Variants in MALRD1 observed in about 807,000 individuals in gnomAD.
The protein encoded by MALRD1 is MAM and LDL receptor class A domain containing 1, also known as MAM and LDL-receptor class A domain-containing protein 1.
A neutral mutation model predicts 242.1 loss-of-function variants in MALRD1; 247 were observed. The observed-to-expected ratio is 1.02, with a 90% CI of 0.92 to 1.13. The LOEUF is 1.13. MALRD1 is among the 50% of genes most tolerant of loss of function. The probability of loss-of-function intolerance (pLI) is 0.00; values close to 1 mark genes in which losing one functional copy is unlikely to be tolerated. For synonymous variants in MALRD1, 995 were observed against 866.6 expected, an observed-to-expected ratio of 1.15 and a Z score of -2.60; for missense variants, 2,989 against 2,533.1, an observed-to-expected ratio of 1.18 and a Z score of -3.86.
chr10:19,476,061 C>T (rs1255771375), intron 29 of MALRD1, among the ~76,000 whole-genome samples: 1 of 152,110 alleles, frequency 6.6e-6, no homozygotes, highest in African/African-American at 2.4e-5. Flanking sequence ...CTTTTTAGTG[C>T]ACATACCTTA....
intron 31 of MALRD1, among the ~76,000 whole-genome samples, chr10:19,529,329 GGTTAGTTAT>G (rs1834234558): frequency 6.6e-6 from 1 of 152,072 alleles, no homozygotes; most frequent in Non-Finnish European, 1.5e-5. Flanking sequence ...CCATGAAATG[GGTTAGTTAT>G]GTTGTTACAT....
chr10:19,536,752 C>T (rs1199101789), intron 32 of MALRD1, among the ~76,000 whole-genome samples: 1 of 152,080 alleles, frequency 6.6e-6, no homozygotes, highest in Non-Finnish European at 1.5e-5. Context: ...AATTACATTA[C>T]ATTAACTTAT....
At chr10:19,207,176 C>T (rs1019899994) in intron 17 of MALRD1, among the ~76,000 whole-genome samples, 4 of 152,094 alleles carry the variant, frequency 2.6e-5, no homozygotes, top group Admixed American at 6.5e-5. Context: ...GGACAGTTGA[C>T]ATTTATTTAA....
intron 14 of MALRD1, among the ~76,000 whole-genome samples, chr10:19,197,020 G>T (rs1836293377): frequency 6.6e-6 from 1 of 152,112 alleles, no homozygotes; most frequent in Non-Finnish European, 1.5e-5. Flanking sequence ...TCACGGCTCT[G>T]CATGGCTTGG....
chr10:19,725,443 C>T (rs1022497217), intron 38 of MALRD1, among the ~76,000 whole-genome samples: 15 of 152,160 alleles, frequency 9.9e-5, no homozygotes, highest in African/African-American at 3.4e-4. Context: ...CTCCCCAGGC[C>T]TGTGGAACTG....
rs562006009 is a variant in MALRD1 at position 19,524,953 on chromosome 10, A to G, written c.5321-6241A>G. Among the ~76,000 whole-genome samples, 12 of 151,976 alleles carry G rather than the reference A, an allele frequency of 7.9e-5. 1 individual carries two copies. In the South Asian group the frequency reaches 2.5e-3, roughly 32 times the overall value. ...AGTTTTGCTCTTGTTATCCAGGCTG[A>G]AGTGCAATGGCATAATCTCGGCTTA... On this transcript the variant is annotated intron_variant, in intron 31 of 39. Coordinates refer to ENST00000454679, the MANE Select transcript of MALRD1 (RefSeq NM_001142308.3).
In MALRD1 at chr10:19,513,567, G is replaced by A. The variant is rs191999161; in HGVS notation, c.5320+14921G>A. Among the ~76,000 whole-genome samples, 417 of 151,758 alleles carry A rather than the reference G, an allele frequency of 2.7e-3. 5 individuals carry two copies. Among genetic ancestry groups the A allele is most frequent in the African/African-American group, 9.3e-3 (386 of 41,386 alleles). The stretch of plus-strand genomic sequence containing the variant: ...ATCCTGGCTAACACAGGGAAACCCC[G>A]TCTCTACTAAAAATACAAAAAATTA... On this transcript the variant is annotated intron_variant, in intron 31 of 39. Transcript: ENST00000454679.
At chr10:19,703,518 C>T (rs1312845115) in intron 38 of MALRD1, among the ~76,000 whole-genome samples, 1 of 152,204 alleles carries the variant, frequency 6.6e-6, no homozygotes, top group African/African-American at 2.4e-5. Flanking sequence ...TTCAAGGAAG[C>T]AGGAAATACA....
chr10:19,510,364 A>T (rs1251353868), intron 31 of MALRD1, among the ~76,000 whole-genome samples: 3 of 152,040 alleles, frequency 2.0e-5, no homozygotes, highest in Non-Finnish European at 4.4e-5. Context: ...GGGCTGGGGG[A>T]TGGTCAGGTC....
At chr10:19,393,741 C>G (rs539376554) in intron 28 of MALRD1, among the ~76,000 whole-genome samples, 3 of 151,968 alleles carry the variant, frequency 2.0e-5, no homozygotes. Context: ...AGGCGTGAGC[C>G]ACCGCGCCCG....
intron 34 of MALRD1, among the ~76,000 whole-genome samples, chr10:19,598,705 G>C (rs978016749): frequency 6.6e-6 from 1 of 152,020 alleles, no homozygotes; most frequent in African/African-American, 2.4e-5. Flanking sequence ...ATAACATAAG[G>C]TTACATGGCC....
intron 36 of MALRD1, among the ~76,000 whole-genome samples, chr10:19,648,747 T>C (rs2131699107): frequency 6.6e-6 from 1 of 152,338 alleles, no homozygotes; most frequent in Admixed American, 6.5e-5. Flanking sequence ...TAAAACAATT[T>C]TTTAAACTTA....
Position 19,352,315 on chromosome 10 carries a change from T to C in MALRD1, c.4441+18T>C. 2 of 1,536,028 alleles carry C rather than the reference T, an allele frequency of 1.3e-6. No homozygotes were observed. Among genetic ancestry groups the C allele is most frequent in the Non-Finnish European group, 1.8e-6 (2 of 1,135,428 alleles). ...TCCAACAGGTACATTCTAATCTGTG[T>C]GTGTGTGTGGTATTTTTGCATGGTG... On this transcript the variant is annotated intron_variant, in intron 26 of 39. Transcript: ENST00000454679.
chr10:19,337,673 AT>A (rs1843670582), intron 24 of MALRD1, among the ~76,000 whole-genome samples: 1 of 152,144 alleles, frequency 6.6e-6, no homozygotes, highest in South Asian at 2.1e-4. Context: ...CAATTTACAA[AT>A]ATTTATCATC....
At chr10:19,472,218 C>T (rs1247864565) in intron 29 of MALRD1, among the ~76,000 whole-genome samples, 2 of 151,986 alleles carry the variant, frequency 1.3e-5, no homozygotes, top group South Asian at 2.1e-4. Context: ...GATTTACCTA[C>T]GTTGAACCAA....
At chr10:19,262,748 C>G (rs1839809893) in intron 19 of MALRD1, among the ~76,000 whole-genome samples, 1 of 151,318 alleles carries the variant, frequency 6.6e-6, no homozygotes, top group Non-Finnish European at 1.5e-5. Flanking sequence ...AGAACTTATT[C>G]TTCGGATAAC....
chr10:19,527,853 C>G (rs534162889), intron 31 of MALRD1, among the ~76,000 whole-genome samples: 1 of 152,104 alleles, frequency 6.6e-6, no homozygotes, highest in African/African-American at 2.4e-5. Context: ...AAAGTGCAGT[C>G]TAAATGCATT....
At chr10:19,200,584 G>C (rs1202263667) in intron 14 of MALRD1, among the ~76,000 whole-genome samples, 2 of 144,990 alleles carry the variant, frequency 1.4e-5, no homozygotes, top group Non-Finnish European at 1.5e-5. Context: ...TTCTAAGACA[G>C]TGAATCTGAA....
intron 29 of MALRD1, among the ~76,000 whole-genome samples, chr10:19,482,831 G>T (rs1837065101): frequency 6.6e-6 from 1 of 151,908 alleles, no homozygotes; most frequent in Admixed American, 6.6e-5. Context: ...ATGTTCATGG[G>T]TTGGAAGAAT....
Sources: allele counts gnomAD v4.1 joint callset (sites outside exome capture counted in the v4.1 genomes callset), GRCh38; gene constraint gnomAD v4.1.1; transcripts MANE v1.5; gene names NCBI Gene and HGNC (gene_info 2026-07-23, HGNC 2026-07-21).